Variants in STX5 observed in about 807,000 individuals in gnomAD.
STX5 encodes syntaxin 5.
A neutral mutation model predicts 42.9 loss-of-function variants in STX5; 15 were observed. The ratio of observed to expected loss-of-function variants is 0.35; its 90% confidence interval spans 0.23 to 0.54. STX5 has a LOEUF of 0.54. Ranked by LOEUF, STX5 falls within the 20% of genes least tolerant of loss-of-function variation. STX5 has a pLI of 0.91. For synonymous variants in STX5, 184 were observed against 173.2 expected (o/e 1.06, Z -0.49); for missense variants, 430 against 455.0 (o/e 0.95, Z 0.50).
At chr11:62,810,446 GA>G (rs2084605376) in intron 10 of STX5, among the ~76,000 whole-genome samples, 1 of 151,770 alleles carries the variant, frequency 6.6e-6, no homozygotes, top group South Asian at 2.1e-4. Flanking sequence ...TGTCTCAAAA[GA>G]AAAGAAAAAA....
intron 5 of STX5, among the ~76,000 whole-genome samples, 165 bp downstream of exon 5, chr11:62,826,990 G>A (rs1289313101): frequency 6.6e-6 from 1 of 151,982 alleles, no homozygotes; most frequent in Admixed American, 6.6e-5. Context: ...GTTAAGGGCT[G>A]CAGTGAGCTA....
Position 62,807,273 on chromosome 11 carries a change from G to T in STX5, c.*196C>A. The T allele has an allele frequency of 1.3e-6, 1 of 744,666 alleles. No homozygotes were observed. Among genetic ancestry groups the T allele is most frequent in the Non-Finnish European group, 2.1e-6 (1 of 481,718 alleles). 46.1% of individuals were successfully genotyped at this position (744,666 alleles called of 1,614,324 possible). A position where few individuals can be genotyped will look rare whatever the true frequency, so the allele number is the denominator to read the frequency against. ...ATCTAGAACCCTGTGTGTTTCATAG[G>T]CCTGAGGGTGGTGGGGGGAGGACAG... On this transcript the variant is annotated 3_prime_UTR_variant, in exon 11 of 11. Transcript: ENST00000294179.
intron 10 of STX5, chr11:62,816,216 A>T (rs1198422213): frequency 6.6e-6 from 1 of 152,196 alleles, no homozygotes; most frequent in African/African-American, 2.4e-5. Context: ...TAACTGTTGA[A>T]TGTAGGTTGC....
intron 5 of STX5, 70 bp from the exon 6 acceptor site, chr11:62,825,609 C>A: frequency 7.3e-7 from 1 of 1,368,222 alleles, no homozygotes. Context: ...CTCACGATGG[C>A]CATCTCTGGT....
rs193175516 is a variant in STX5, at chr11:62,825,494, C to T, written c.469G>A (p.Val157Met). The change falls in exon 6 of 11, where the codon GTG becomes ATG. Residue 157 changes from valine (V) to methionine (M), a missense_variant. Physicochemically the swap from Val to Met is conservative, Grantham distance 21. Coordinates refer to ENST00000294179, the MANE Select transcript of STX5 (RefSeq NM_003164.5). ...NKQIAQLQDFVRAKGSQSGRH... is the reference protein window; with the variant it reads ...NKQIAQLQDFMRAKGSQSGRH... ...CCACTCTGGCTGCCCTTGGCTCTCA[C>T]GAAATCCTGGAGCTGAGCAATTTGT... The T allele has an allele frequency of 3.2e-5, 51 of 1,613,950 alleles. No homozygotes were observed. The African/African-American group carries it at 4.0e-4, about 13-fold the overall frequency.
intron 10 of STX5, among the ~76,000 whole-genome samples, chr11:62,816,760 TG>T (rs5792272): frequency 1 from 138,854 of 138,940 alleles, 69,384 homozygotes; most frequent in Middle Eastern, 1. Context: ...TAGCTGGGTA[TG>T]GGGTGTGGTG....
intron 10 of STX5, among the ~76,000 whole-genome samples, chr11:62,817,077 C>G (rs182774362): frequency 2.4e-4 from 37 of 151,918 alleles, no homozygotes; most frequent in Admixed American, 4.6e-4. Context: ...AGGCACACGC[C>G]ACCATGCCCA....
chr11:62,830,870 T>C lies in STX5; in HGVS notation c.225+149A>G, dbSNP rs2084849202. ...AGTTAGCCAGCCGACCTCTTCTCTG[T>C]TGCTTATAGCAGACCCTACAGGCCC... On this transcript the variant is annotated intron_variant, in intron 2 of 10. Coordinates refer to ENST00000294179, the MANE Select transcript of STX5 (RefSeq NM_003164.5). The C allele has an allele frequency of 1.4e-5, 11 of 780,360 alleles. No individual in the cohort carries two copies. The South Asian group carries it at 1.5e-4, about 11-fold the overall frequency. 48.3% of individuals were successfully genotyped at this position (780,360 alleles called of 1,614,324 possible). A position where few individuals can be genotyped will look rare whatever the true frequency, so the allele number is the denominator to read the frequency against.
At chr11:62,819,992 C>A (rs553125284) in intron 10 of STX5, among the ~76,000 whole-genome samples, 1 of 151,586 alleles carries the variant, frequency 6.6e-6, no homozygotes, top group Non-Finnish European at 1.5e-5. Flanking sequence ...CATGAGCCAC[C>A]GCTCCCAGGC....
Position 62,825,544 on chromosome 11 carries a change from TAA to T in STX5, c.424-7_424-6del. 5 of 1,612,944 alleles carry T rather than the reference TAA, an allele frequency of 3.1e-6. No individual in the cohort carries two copies. The highest frequency in any genetic ancestry group is 4.2e-6 in the Non-Finnish European group (5 of 1,179,732). On this transcript the variant is annotated splice_region_variant and splice_polypyrimidine_tract_variant and intron_variant, in intron 5 of 10. Coordinates refer to ENST00000294179, the MANE Select transcript of STX5 (RefSeq NM_003164.5). Reference sequence around the variant, plus strand: ...TTTGTTGAGGCTATTGATGTCCTGGTAAAAGAGTCCAAGGAAAAACAAAGTAT... The same window carrying T: ...TTTGTTGAGGCTATTGATGTCCTGGTAAGAGTCCAAGGAAAAACAAAGTAT...
chr11:62,825,308 T>C lies in STX5; in HGVS notation c.572A>G (p.Lys191Arg), dbSNP rs2084782656. 1 of 1,614,140 alleles carries C rather than the reference T, an allele frequency of 6.2e-7. No individual in the cohort carries two copies. Among genetic ancestry groups the C allele is most frequent in the Non-Finnish European group, 8.5e-7 (1 of 1,180,034 alleles). Residue 191 changes from lysine to arginine, a missense_variant, in exon 7 of 11, where the codon AAA becomes AGA. Coordinates refer to ENST00000294179, the MANE Select transcript of STX5 (RefSeq NM_003164.5). The part of the protein sequence containing the change: ...SKLASMSNDF[K>R]SVLEVRTENL... Reference sequence around the variant, plus strand: ...CTCTGTCCTCACTTCTAAAACCGATTTGAAGTCATTGGACATAGAAGCCAG... The same window carrying C: ...CTCTGTCCTCACTTCTAAAACCGATCTGAAGTCATTGGACATAGAAGCCAG...
intron 10 of STX5, among the ~76,000 whole-genome samples, chr11:62,810,527 C>T (rs2084606779): frequency 6.6e-6 from 1 of 152,144 alleles, no homozygotes; most frequent in South Asian, 2.1e-4. Flanking sequence ...GTGCTATCCT[C>T]CCAACTTTTC....
chr11:62,831,115 G>T lies in STX5; in HGVS notation c.129C>A (p.Pro43=), dbSNP rs370048912. ...GAGGGGGAGGGACGAGGGTCACTGG[G>T]GGGGGCAGAGGGGCGATGTCGCTGC... is the stretch of plus-strand genomic sequence containing the variant. ...SSSSDIAPLP[P]PVTLVPPPPD... The change falls in exon 2 of 11, where the codon CCC becomes CCA. Residue 43 remains proline (P), a synonymous_variant. Coordinates refer to ENST00000294179, the MANE Select transcript of STX5 (RefSeq NM_003164.5). 1.9e-5 allele frequency: 30 copies of T among 1,554,550 alleles called. No homozygotes were observed. The highest frequency in any genetic ancestry group is 2.4e-5 in the East Asian group (1 of 41,974).
chr11:62,826,778 G>T (rs1040446360), intron 5 of STX5, among the ~76,000 whole-genome samples: 1 of 151,144 alleles, frequency 6.6e-6, no homozygotes, highest in African/African-American at 2.4e-5. Context: ...TACTGGGGAG[G>T]CTGAGGCAGG....
In STX5 at chr11:62,807,514, G is replaced by A; in HGVS notation, c.1023C>T (p.Leu341=). 2 of 1,614,150 alleles carry A rather than the reference G, an allele frequency of 1.2e-6. No homozygotes were observed. The highest frequency in any genetic ancestry group is 1.1e-5 in the South Asian group (1 of 91,074). The change falls in exon 11 of 11, where the codon CTC becomes CTT. Residue 341 remains leucine (L), a synonymous_variant. Coordinates refer to ENST00000294179, the MANE Select transcript of STX5 (RefSeq NM_003164.5). The part of the protein sequence containing the change: ...SNRWLMVKIF[L]ILIVFFIIFV... ...AGATGATGAAGAAGACAATGAGGAT[G>A]AGGAAGATTTTGACCATGAGCCACC...
chr11:62,809,287 CA>C (rs1174325165), intron 10 of STX5, among the ~76,000 whole-genome samples: 7,787 of 62,254 alleles, frequency 0.13, 174 homozygotes, highest in East Asian at 0.21. Flanking sequence ...GACTCCGTCT[CA>C]AAAAAAAAAA....
chr11:62,826,519 T>C (rs2084797811), intron 5 of STX5, among the ~76,000 whole-genome samples: 1 of 151,934 alleles, frequency 6.6e-6, no homozygotes, highest in Non-Finnish European at 1.5e-5. Context: ...ATCGCGCCAC[T>C]GTGCTCCAGC....
At chr11:62,831,808 G>A (rs187503064) in intron 1 of STX5, 146 bp downstream of exon 1, 14 of 425,994 alleles carry the variant, frequency 3.3e-5, no homozygotes, top group Admixed American at 1.0e-4. Flanking sequence ...CTGATTGGAC[G>A]GCAAGGAATT....
chr11:62,807,551 A>T lies in STX5; in HGVS notation c.986T>A (p.Val329Asp). 6.2e-7 allele frequency: 1 copy of T among 1,614,210 alleles called. No individual in the cohort carries two copies. Among genetic ancestry groups the T allele is most frequent in the Non-Finnish European group, 8.5e-7 (1 of 1,180,024 alleles). The stretch of plus-strand genomic sequence containing the variant: ...GACCATGAGCCACCGGTTGGAGGTG[A>T]CAGACTGGAAGTACTTGAGGATCTC... ...HSEILKYFQS[V>D]TSNRWLMVKI... The change falls in exon 11 of 11, where the codon GTC (valine) becomes GAC (aspartate). Residue 329 changes from valine (V) to aspartate (D), a missense_variant. Physicochemically the swap from Val to Asp is radical, Grantham distance 152 (BLOSUM62 -3). Transcript: ENST00000294179.
Sources: allele counts gnomAD v4.1 joint callset (sites outside exome capture counted in the v4.1 genomes callset), GRCh38; gene constraint gnomAD v4.1.1; transcripts MANE v1.5; gene names NCBI Gene and HGNC (gene_info 2026-07-23, HGNC 2026-07-21).